The following PLEKHG7 variants were observed in gnomAD, a reference collection of about 807,000 sequenced individuals.
PLEKHG7 encodes pleckstrin homology domain-containing family G member 7.
Under a neutral mutation model 85.2 loss-of-function variants are expected in PLEKHG7, and 77 were observed. That is an observed-to-expected ratio of 0.90 (90% CI 0.75 to 1.09). The LOEUF is 1.09. Among genes scored for constraint, PLEKHG7 ranks in the 50% least tolerant of loss-of-function variants. The pLI is 0.00. For synonymous variants in PLEKHG7, 301 were observed against 302.4 expected (o/e 1.00, Z 0.05); for missense variants, 777 against 804.3 (o/e 0.97, Z 0.41).
intron 10 of PLEKHG7, among the ~76,000 whole-genome samples, chr12:92,748,795 C>G (rs940282857): frequency 6.6e-6 from 1 of 152,148 alleles, no homozygotes; most frequent in Non-Finnish European, 1.5e-5. Context: ...GGGCTATGAC[C>G]CATCACCATG....
chr12:92,738,822 A>G (rs1306297037), intron 7 of PLEKHG7, among the ~76,000 whole-genome samples: 1 of 152,230 alleles, frequency 6.6e-6, no homozygotes, highest in Non-Finnish European at 1.5e-5. Flanking sequence ...TTCTGTAAGT[A>G]ATATTTTTTG....
At position 92,756,360 on chromosome 12, in the gene PLEKHG7, CCTT is replaced by C. The variant is rs1215094111; in HGVS notation, c.1608_1610del (p.Leu537del). ...ACATCTTGTCACCAACCAGCAGACA[CCTT>C]CTCTATGAAGGAAAATTAACTCTTG... is the stretch of plus-strand genomic sequence containing the variant. On this transcript the variant is annotated inframe_deletion, in exon 13 of 17. Coordinates refer to ENST00000344636, the MANE Select transcript of PLEKHG7 (RefSeq NM_001377329.1). The C allele has an allele frequency of 1.9e-6, 3 of 1,613,166 alleles. No homozygotes were observed. The highest frequency in any genetic ancestry group is 2.5e-6 in the Non-Finnish European group (3 of 1,179,114).
At chr12:92,766,784 C>T (rs1360035207) in intron 15 of PLEKHG7, among the ~76,000 whole-genome samples, 1 of 152,172 alleles carries the variant, frequency 6.6e-6, no homozygotes, top group Non-Finnish European at 1.5e-5. Flanking sequence ...GAGCCAAGGT[C>T]GCACGACTGC....
intron 3 of PLEKHG7, among the ~76,000 whole-genome samples, chr12:92,728,526 A>G (rs1871890065): frequency 6.7e-6 from 1 of 148,550 alleles, no homozygotes; most frequent in Non-Finnish European, 1.5e-5. Flanking sequence ...ACCACATCCC[A>G]TGGTGTATAT....
intron 4 of PLEKHG7, among the ~76,000 whole-genome samples, chr12:92,731,358 G>A (rs141751395): frequency 3.9e-4 from 59 of 152,330 alleles, no homozygotes; most frequent in Non-Finnish European, 8.1e-4. Flanking sequence ...CAGTGGGAAG[G>A]TGCCTTAAGC....
At chr12:92,744,471 T>C (rs1386077567) in intron 9 of PLEKHG7, among the ~76,000 whole-genome samples, 1 of 152,196 alleles carries the variant, frequency 6.6e-6, no homozygotes, top group African/African-American at 2.4e-5. Flanking sequence ...AATATATGTA[T>C]ATATAAATTA....
At chr12:92,714,650 C>G (rs1326304412) in intron 3 of PLEKHG7, among the ~76,000 whole-genome samples, 3 of 152,172 alleles carry the variant, frequency 2.0e-5, no homozygotes, top group Non-Finnish European at 4.4e-5. Context: ...ATCATTTTCT[C>G]TCAACACTTT....
chr12:92,758,238 A>G (rs2136625860), intron 13 of PLEKHG7, among the ~76,000 whole-genome samples: 1 of 152,286 alleles, frequency 6.6e-6, no homozygotes, highest in Admixed American at 6.5e-5. Flanking sequence ...ACCTCCCAAT[A>G]CTGCAAGATG....
chr12:92,706,549 T>C lies in PLEKHG7; in HGVS notation c.-83T>C. On this transcript the variant is annotated 5_prime_UTR_variant, in exon 2 of 17. Coordinates refer to ENST00000344636, the MANE Select transcript of PLEKHG7 (RefSeq NM_001377329.1). ...GAAGCATGGCACTTGGATGCAGAAATTGAGCACCCTCCATGTGATCCAGAG... is the reference window on the plus strand; with the variant it reads ...GAAGCATGGCACTTGGATGCAGAAACTGAGCACCCTCCATGTGATCCAGAG... The C allele has an allele frequency of 6.8e-7, 1 of 1,479,328 alleles. No homozygotes were observed. Among genetic ancestry groups the C allele is most frequent in the Non-Finnish European group, 9.0e-7 (1 of 1,112,250 alleles). The allele number at this position is 1,479,328 out of a possible 1,614,324, so 91.6% of individuals were successfully genotyped here.
At chr12:92,721,608 A>T in intron 3 of PLEKHG7, 2 of 1,074,606 alleles carry the variant, frequency 1.9e-6, no homozygotes, top group Non-Finnish European at 2.3e-6. Flanking sequence ...TGCTCTAGAG[A>T]GCTGCAAAGT....
chr12:92,768,202 G>C (rs188658487), intron 15 of PLEKHG7, among the ~76,000 whole-genome samples: 2 of 150,026 alleles, frequency 1.3e-5, no homozygotes, highest in African/African-American at 4.9e-5. Context: ...GAGAGACTTC[G>C]TCTCAAGAAA....
chr12:92,729,561 T>C (rs1871923592), intron 4 of PLEKHG7, among the ~76,000 whole-genome samples: 1 of 151,850 alleles, frequency 6.6e-6, no homozygotes, highest in African/African-American at 2.4e-5. Context: ...GAGGTGCCGG[T>C]GGCAGATGAG....
intron 6 of PLEKHG7, 150 bp downstream of exon 6, chr12:92,736,727 G>A: frequency 2.3e-6 from 1 of 432,022 alleles, no homozygotes; most frequent in Non-Finnish European, 3.9e-6. Context: ...GGACTGAGCA[G>A]GGCCTGCTCT....
At chr12:92,748,883 C>T (rs574787799) in intron 10 of PLEKHG7, among the ~76,000 whole-genome samples, 1 of 152,294 alleles carries the variant, frequency 6.6e-6, no homozygotes, top group South Asian at 2.1e-4. Context: ...GTGTTTGAGC[C>T]CTTGCTATGG....
chr12:92,741,082 A>G, intron 8 of PLEKHG7, 134 bp downstream of exon 8: 1 of 579,124 alleles, frequency 1.7e-6, no homozygotes. Flanking sequence ...TCAGGTTAAT[A>G]AGAAAGAAGT....
intron 3 of PLEKHG7, among the ~76,000 whole-genome samples, chr12:92,722,254 A>G (rs1871670083): frequency 1.3e-5 from 2 of 151,956 alleles, no homozygotes; most frequent in Non-Finnish European, 2.9e-5. Flanking sequence ...GAGTGCCCAG[A>G]AATCCAGTCC....
At chr12:92,751,762 C>T (rs940912807) in intron 10 of PLEKHG7, among the ~76,000 whole-genome samples, 1 of 152,070 alleles carries the variant, frequency 6.6e-6, no homozygotes, top group African/African-American at 2.4e-5. Context: ...ATGGCTCACA[C>T]CTGTAATCCC....
At chr12:92,752,309 T>C (rs994800711) in intron 10 of PLEKHG7, among the ~76,000 whole-genome samples, 7 of 151,978 alleles carry the variant, frequency 4.6e-5, no homozygotes, top group Admixed American at 1.3e-4. Flanking sequence ...AAACATGTCA[T>C]GAGGGGGTTT....
At chr12:92,716,777 A>C (rs116653967) in intron 3 of PLEKHG7, among the ~76,000 whole-genome samples, 2,098 of 152,332 alleles carry the variant, frequency 0.014, 43 homozygotes, top group African/African-American at 0.048. Flanking sequence ...TTTTAAATTC[A>C]TCTGCCCCCA....
Sources: gnomAD v4.1 joint callset for allele counts (sites outside exome capture counted in the v4.1 genomes callset) on GRCh38, gnomAD v4.1.1 for gene constraint, MANE v1.5 for transcripts, NCBI Gene and HGNC (gene_info 2026-07-23, HGNC 2026-07-21) for gene names.